Variants in ZNF268 observed in about 807,000 individuals in gnomAD.
The protein encoded by ZNF268 is zinc finger protein 268, also known as zinc finger protein 3.
ZNF268 carries 20 observed loss-of-function variants against 29.3 expected under a neutral mutation model. The observed-to-expected ratio is 0.68, with a 90% CI of 0.48 to 0.99. The LOEUF (loss-of-function observed/expected upper bound fraction) is 0.99. ZNF268 is among the 50% of genes least tolerant of loss of function. The probability of loss-of-function intolerance (pLI) is 0.00; values close to 1 mark genes in which losing one functional copy is unlikely to be tolerated. For synonymous variants in ZNF268, 429 were observed against 376.9 expected (o/e 1.14, Z -1.60); for missense variants, 1,240 against 1,121.6 (o/e 1.11, Z -1.51).
intron 2 of ZNF268, among the ~76,000 whole-genome samples, chr12:133,185,209 G>A (rs962972395): frequency 6.7e-6 from 1 of 149,758 alleles, no homozygotes; most frequent in African/African-American, 2.4e-5. Flanking sequence ...AACAAAGAAT[G>A]TGTGGTGGCT....
rs1227505492 is a variant in ZNF268, at chr12:133,203,229, CTTA to C, written c.1548_1550del (p.Ile517del). On this transcript the variant is annotated inframe_deletion, in exon 6 of 6. Transcript: ENST00000536435. ...CAAAGCCTTCAGGAGCAAGTCATAC[CTTA>C]TTATACATACAAGGACTCATACAGG... 6.5e-6 allele frequency: 10 copies of C among 1,537,768 alleles called. No homozygotes were observed. The highest frequency in any genetic ancestry group is 3.9e-5 in the Admixed American group (2 of 50,954).
chr12:133,193,887 A>G (rs1005035486), intron 5 of ZNF268, among the ~76,000 whole-genome samples: 1 of 151,348 alleles, frequency 6.6e-6, no homozygotes, highest in African/African-American at 2.4e-5. Context: ...CCTACATACC[A>G]CCTTCTTTTC....
At chr12:133,185,789 C>T (rs917856798) in intron 2 of ZNF268, among the ~76,000 whole-genome samples, 1 of 152,088 alleles carries the variant, frequency 6.6e-6, no homozygotes, top group African/African-American at 2.4e-5. Flanking sequence ...CAAGAGGTAG[C>T]AGGGATTTTG....
At chr12:133,187,516 T>G (rs1956352123) in intron 2 of ZNF268, among the ~76,000 whole-genome samples, 1 of 152,082 alleles carries the variant, frequency 6.6e-6, no homozygotes, top group South Asian at 2.1e-4. Flanking sequence ...TCCCTCATAA[T>G]AATGTTGTGT....
At chr12:133,184,393 C>A (rs1410859840) in intron 2 of ZNF268, among the ~76,000 whole-genome samples, 1 of 152,118 alleles carries the variant, frequency 6.6e-6, no homozygotes, top group East Asian at 1.9e-4. Flanking sequence ...GCGTGAGCCA[C>A]CGCACCCGGC....
chr12:133,190,349 T>A (rs1203636055), intron 3 of ZNF268, among the ~76,000 whole-genome samples: 1 of 152,202 alleles, frequency 6.6e-6, no homozygotes, highest in Non-Finnish European at 1.5e-5. Context: ...ATGGTAAGAC[T>A]GTTTAGATTT....
At chr12:133,200,412 T>G (rs1406548845) in intron 5 of ZNF268, among the ~76,000 whole-genome samples, 5 of 152,220 alleles carry the variant, frequency 3.3e-5, no homozygotes, top group African/African-American at 1.2e-4. Context: ...ATAATTTCTG[T>G]TCTTTTACAT....
Position 133,202,622 on chromosome 12 carries a change from CTT to C in ZNF268, c.937_938del (p.Phe313GlnfsTer2). On this transcript the variant is annotated frameshift_variant, in exon 6 of 6. Coordinates refer to ENST00000536435, the MANE Select transcript of ZNF268 (RefSeq NM_003415.3). LOFTEE classifies it low-confidence loss of function (END_TRUNC). ...ATGGTTGTAATGAATGTGGGAAAGA[CTT>C]CAGTAGTAAATCATACCTCATTGTA... ...PYGCNECGKD[F>X]SSKSYLIVHQ... 6.2e-7 allele frequency: 1 copy of C among 1,604,996 alleles called. No individual in the cohort carries two copies. Among genetic ancestry groups the C allele is most frequent in the Non-Finnish European group, 8.5e-7 (1 of 1,175,218 alleles).
intron 5 of ZNF268, among the ~76,000 whole-genome samples, chr12:133,192,246 T>TA: frequency 6.6e-6 from 1 of 152,072 alleles, no homozygotes; most frequent in East Asian, 1.9e-4. Context: ...TAGCTGGGGT[T>TA]ACAGTTGTGC....
rs1465694782 is a variant in ZNF268, at chr12:133,209,540, A to G, written c.*5010A>G. On this transcript the variant is annotated 3_prime_UTR_variant, in exon 6 of 6. Transcript: ENST00000536435. ...CTTGTTAGAAACACAGGCCATTAAAACATTAATAAAAAGGCTGGGCATGGT... is the reference window on the plus strand; with the variant it reads ...CTTGTTAGAAACACAGGCCATTAAAGCATTAATAAAAAGGCTGGGCATGGT... The G allele has an allele frequency of 6.6e-6, 1 of 152,232 alleles. No homozygotes were observed. Among genetic ancestry groups the G allele is most frequent in the African/African-American group, 2.4e-5 (1 of 41,456 alleles). 9.4% of individuals were successfully genotyped at this position (152,232 alleles called of 1,614,324 possible).
In ZNF268 at chr12:133,207,160, A is replaced by G. The variant is rs995437375; in HGVS notation, c.*2630A>G. The G allele has an allele frequency of 1.3e-5, 2 of 152,232 alleles. No individual in the cohort carries two copies. The highest frequency in any genetic ancestry group is 1.3e-4 in the Admixed American group (2 of 15,292). 9.4% of individuals were successfully genotyped at this position (152,232 alleles called of 1,614,324 possible). A position where few individuals can be genotyped will look rare whatever the true frequency, so the allele number is the denominator to read the frequency against. On this transcript the variant is annotated 3_prime_UTR_variant, in exon 6 of 6. Coordinates refer to ENST00000536435, the MANE Select transcript of ZNF268 (RefSeq NM_003415.3). ...TATCTAGTCCTTCTACCCCAGCCCC[A>G]GAAAAGAAAGACATTCCAGAGACTT...
intron 5 of ZNF268, among the ~76,000 whole-genome samples, chr12:133,198,069 T>A (rs1956655594): frequency 6.6e-6 from 1 of 152,020 alleles, no homozygotes. Context: ...TTGGCTTTTG[T>A]TGCCATTGCT....
Position 133,202,947 on chromosome 12 carries a change from T to C in ZNF268, c.1261T>C (p.Cys421Arg), listed in dbSNP as rs1956791061. 6 of 1,545,396 alleles carry C rather than the reference T, an allele frequency of 3.9e-6. No individual in the cohort carries two copies. The highest frequency in any genetic ancestry group is 5.2e-6 in the Non-Finnish European group (6 of 1,149,968). ...AGAGAAACCATATGAATGCAATGAA[T>C]GTCAGAAAGCCTTTAATACAAAGTC... is the stretch of plus-strand genomic sequence containing the variant. ...TGEKPYECNE[C>R]QKAFNTKSNL... is the part of the protein sequence containing the mutation. The change falls in exon 6 of 6, where the codon TGT (cysteine) becomes CGT (arginine). Residue 421 changes from cysteine to arginine, a missense_variant. Physicochemically the swap from Cys to Arg is radical, Grantham distance 180. This residue lies in a region of ZNF268 where 1,177 missense variants were observed against 1,039.6 expected (regional missense o/e 1.13). Transcript: ENST00000536435.
rs1253593331 is a variant in ZNF268 at position 133,207,060 on chromosome 12, A to C, written c.*2530A>C. ...CACTCACATACTGTGGGAAAGAATA[A>C]TACTTGATTAGGACTTATTATTTAA... On this transcript the variant is annotated 3_prime_UTR_variant, in exon 6 of 6. Coordinates refer to ENST00000536435, the MANE Select transcript of ZNF268 (RefSeq NM_003415.3). 2 of 152,222 alleles carry C rather than the reference A, an allele frequency of 1.3e-5. No homozygotes were observed. Among genetic ancestry groups the C allele is most frequent in the East Asian group, 3.8e-4 (2 of 5,204 alleles). The allele number at this position is 152,222 out of a possible 1,614,324, so 9.4% of individuals were successfully genotyped here.
At chr12:133,192,107 CTTT>C (rs200581552) in intron 5 of ZNF268, 104 bp downstream of exon 5, 13,291 of 528,322 alleles carry the variant, frequency 0.025, 1 homozygote, top group South Asian at 0.035. Flanking sequence ...TTACCATGCA[CTTT>C]TTTTTTTTTT....
In ZNF268 at chr12:133,214,141, C is replaced by T. The variant is rs1350694321; in HGVS notation, c.*9611C>T. ...GGGCAGAGGACTTGAAGAGACTTTT[C>T]TGTAAAGAAGATATGCAAATAGCAT... On this transcript the variant is annotated 3_prime_UTR_variant, in exon 6 of 6. Coordinates refer to ENST00000536435, the MANE Select transcript of ZNF268 (RefSeq NM_003415.3). The T allele has an allele frequency of 6.6e-6, 1 of 152,098 alleles. No individual in the cohort carries two copies. The highest frequency in any genetic ancestry group is 1.5e-5 in the Non-Finnish European group (1 of 68,030). The allele number at this position is 152,098 out of a possible 1,614,324, so 9.4% of individuals were successfully genotyped here.
chr12:133,193,310 G>T, intron 5 of ZNF268: 1 of 508,372 alleles, frequency 2.0e-6, no homozygotes, highest in Non-Finnish European at 3.5e-6. Flanking sequence ...TCTGGCCTGG[G>T]TGATAGTGAG....
intron 5 of ZNF268, among the ~76,000 whole-genome samples, chr12:133,195,646 G>T (rs770940233): frequency 2.0e-5 from 3 of 152,152 alleles, no homozygotes; most frequent in Admixed American, 2.0e-4. Context: ...GGTTGAAGAT[G>T]CAGTGAGCAA....
Position 133,202,527 on chromosome 12 carries a change from T to G in ZNF268, c.841T>G (p.Cys281Gly), listed in dbSNP as rs377071874. The part of the protein sequence containing the change: ...MGEKPFGCSC[C>G]EKAFSSKSYL... ...CGAAAAACCCTTTGGATGCAGCTGT[T>G]GTGAGAAAGCCTTCAGCAGCAAGTC... The change falls in exon 6 of 6, where the codon TGT becomes GGT. Residue 281 changes from cysteine (C) to glycine (G), a missense_variant. Around this residue, in one of 3 missense-constraint regions of ZNF268, gnomAD observed 1,177 missense variants for 1,039.6 expected, o/e 1.13. Coordinates refer to ENST00000536435, the MANE Select transcript of ZNF268 (RefSeq NM_003415.3). 8.7e-6 allele frequency: 14 copies of G among 1,612,074 alleles called. No individual in the cohort carries two copies. Among genetic ancestry groups the G allele is most frequent in the Non-Finnish European group, 1.2e-5 (14 of 1,179,052 alleles).
Sources: allele counts gnomAD v4.1 joint callset (sites outside exome capture counted in the v4.1 genomes callset), GRCh38; gene constraint gnomAD v4.1.1; regional missense constraint gnomAD v4.1.1; transcripts MANE v1.5; gene names NCBI Gene and HGNC (gene_info 2026-07-23, HGNC 2026-07-21).